PRKCH: variants seen among roughly 807,000 people sequenced by gnomAD.
PRKCH encodes the protein protein kinase C eta, also known as protein kinase C eta type.
PRKCH carries 28 observed loss-of-function variants against 82.5 expected under a neutral mutation model. The observed-to-expected ratio is 0.34, with a 90% CI of 0.25 to 0.47. The LOEUF (loss-of-function observed/expected upper bound fraction) is 0.47, where lower values mean the gene tolerates loss of function less well. Ranked by LOEUF, PRKCH falls within the 20% of genes least tolerant of loss-of-function variation. PRKCH has a pLI of 1.00. For synonymous variants in PRKCH, 322 were observed against 327.4 expected (o/e 0.98, Z 0.18); for missense variants, 705 against 881.8 (o/e 0.80, Z 2.54).
intron 1 of PRKCH, among the ~76,000 whole-genome samples, chr14:61,223,994 C>A (rs1417670820): frequency 6.6e-6 from 1 of 152,208 alleles, no homozygotes; most frequent in Admixed American, 6.5e-5. Flanking sequence ...TCCAAGCAGG[C>A]TACAGAGCCA....
chr14:61,456,892 C>A, intron 7 of PRKCH: 1 of 307,118 alleles, frequency 3.3e-6, no homozygotes. Context: ...AGGGACCACA[C>A]AAGGCATTGG....
chr14:61,263,450 A>G (rs553912749), intron 1 of PRKCH, among the ~76,000 whole-genome samples: 170 of 151,006 alleles, frequency 1.1e-3, no homozygotes, highest in Middle Eastern at 6.8e-3. Flanking sequence ...TGGTATTACT[A>G]TCCACATTTA....
intron 1 of PRKCH, among the ~76,000 whole-genome samples, chr14:61,243,066 G>A (rs7149581): frequency 0.25 from 33,229 of 131,106 alleles, 3,824 homozygotes; most frequent in Admixed American, 0.3. Flanking sequence ...ACCTAGACCC[G>A]ATTTTGGGAA....
At chr14:61,272,037 A>G (rs1834859690) in intron 1 of PRKCH, among the ~76,000 whole-genome samples, 1 of 152,040 alleles carries the variant, frequency 6.6e-6, no homozygotes, top group South Asian at 2.1e-4. Context: ...CATCCTGGTT[A>G]ACACGGTGAA....
Position 61,262,211 on chromosome 14 carries a change from A to T in PRKCH, c.-19+74543A>T, listed in dbSNP as rs1415572065. 2.7e-5 allele frequency among the ~76,000 whole-genome samples: 4 copies of T among 150,096 alleles called. No individual in the cohort carries two copies. The East Asian group carries it at 5.8e-4, about 22-fold the overall frequency. On this transcript the variant is annotated intron_variant, in intron 1 of 3. Transcript: ENST00000555185. ...CACTCCAGCTCAGTGACAGAGTGAG[A>T]CTCTGTATAAAAAAAAAAAAAGAAT...
At chr14:61,352,702 G>GAAAGAA (rs1246750910) in intron 1 of PRKCH, among the ~76,000 whole-genome samples, 2 of 133,550 alleles carry the variant, frequency 1.5e-5, no homozygotes, top group Non-Finnish European at 3.2e-5. Context: ...AAGAAAGAAA[G>GAAAGAA]AAAGAAAGAA....
Position 61,450,949 on chromosome 14 carries a change from G to T in PRKCH, c.810G>T (p.Met270Ile). ...GTGGCTCACTGCTCTGGGGAATAAT[G>T]CGACAAGGACTTCAGTGTAAAAGTG... ...DHCGSLLWGI[M>I]RQGLQCKICK... The change falls in exon 6 of 14, where the codon ATG (methionine) becomes ATT (isoleucine). Residue 270 changes from methionine to isoleucine, a missense_variant. By Grantham distance (10) the Met-to-Ile change is conservative. This residue lies in a region of PRKCH where 238 missense variants were observed against 258.1 expected (regional missense o/e 0.92). Coordinates refer to ENST00000332981, the MANE Select transcript of PRKCH (RefSeq NM_006255.5). The T allele has an allele frequency of 6.2e-7, 1 of 1,614,068 alleles. No homozygotes were observed. Among genetic ancestry groups the T allele is most frequent in the East Asian group, 2.2e-5 (1 of 44,878 alleles).
chr14:61,499,909 C>T (rs1886826042), intron 10 of PRKCH, among the ~76,000 whole-genome samples: 1 of 150,994 alleles, frequency 6.6e-6, no homozygotes, highest in South Asian at 2.1e-4. Context: ...ATACAGCTCT[C>T]TTACAAGAAA....
intron 2 of PRKCH, among the ~76,000 whole-genome samples, chr14:61,401,790 T>C (rs1199864232): frequency 6.6e-6 from 1 of 152,252 alleles, no homozygotes; most frequent in Non-Finnish European, 1.5e-5. Context: ...TGCTTCATAC[T>C]GAAATACTGT....
intron 1 of PRKCH, among the ~76,000 whole-genome samples, chr14:61,339,577 C>A (rs2140136391): frequency 6.7e-6 from 1 of 149,612 alleles, no homozygotes; most frequent in East Asian, 2.0e-4. Context: ...CCTGCCTCGG[C>A]CTCCCAAAGT....
chr14:61,339,013 T>C (rs2045894325), intron 1 of PRKCH, among the ~76,000 whole-genome samples: 1 of 152,142 alleles, frequency 6.6e-6, no homozygotes, highest in Admixed American at 6.5e-5. Context: ...TGAATGATAC[T>C]TACGTTAAAA....
At position 61,322,037 on chromosome 14, in the gene PRKCH, C is replaced by A; in HGVS notation, c.-65C>A. 1 of 1,464,672 alleles carries A rather than the reference C, an allele frequency of 6.8e-7. No individual in the cohort carries two copies. The highest frequency in any genetic ancestry group is 9.1e-7 in the Non-Finnish European group (1 of 1,100,928). 90.7% of individuals were successfully genotyped at this position (1,464,672 alleles called of 1,614,324 possible). ...ACCTGTCCCGAGGGCTGGCCTGAGA[C>A]GGGACTCCCGGTTCTCCCGCTGCGA... On this transcript the variant is annotated 5_prime_UTR_variant, in exon 1 of 14. Coordinates refer to ENST00000332981, the MANE Select transcript of PRKCH (RefSeq NM_006255.5).
intron 1 of PRKCH, among the ~76,000 whole-genome samples, chr14:61,215,790 G>A (rs918361731): frequency 8.5e-5 from 13 of 152,110 alleles, no homozygotes; most frequent in Non-Finnish European, 1.6e-4. Context: ...GCAATAAAGC[G>A]TTGGCAGATA....
intron 2 of PRKCH, among the ~76,000 whole-genome samples, chr14:61,396,940 A>G (rs562259107): frequency 6.6e-6 from 1 of 152,302 alleles, no homozygotes; most frequent in Admixed American, 6.5e-5. Flanking sequence ...AATAAATTGC[A>G]TGTTCACACC....
rs61740172 is a variant in PRKCH at position 61,457,519 on chromosome 14, G to C, written c.1118G>C (p.Arg373Thr). 3.5e-5 allele frequency: 57 copies of C among 1,614,108 alleles called. No individual in the cohort carries two copies. In the African/African-American group the frequency reaches 6.5e-4, roughly 18 times the overall value. Reference sequence around the variant, plus strand: ...GCTTTGCCATAGGTGATGCTTGCAAGAGTAAAAGAAACAGGAGACCTCTAT... The same window carrying C: ...GCTTTGCCATAGGTGATGCTTGCAACAGTAAAAGAAACAGGAGACCTCTAT... ...KGSFGKVMLA[R>T]VKETGDLYAV... is the part of the protein sequence containing the mutation. The change falls in exon 9 of 14, where the codon AGA (arginine) becomes ACA (threonine). Residue 373 changes from arginine to threonine, a missense_variant. By Grantham distance (71) the Arg-to-Thr change is moderately conservative. Coordinates refer to ENST00000332981, the MANE Select transcript of PRKCH (RefSeq NM_006255.5).
intron 10 of PRKCH, among the ~76,000 whole-genome samples, chr14:61,509,084 A>T (rs958642964): frequency 2.0e-5 from 3 of 152,090 alleles, no homozygotes; most frequent in Non-Finnish European, 4.4e-5. Flanking sequence ...GGGTCTGGAG[A>T]GCTATGCAGA....
chr14:61,473,667 C>A (rs1885603175), intron 9 of PRKCH, among the ~76,000 whole-genome samples: 1 of 152,120 alleles, frequency 6.6e-6, no homozygotes, highest in Non-Finnish European at 1.5e-5. Context: ...TTGGTGTCAT[C>A]CATGTCCTCT....
Position 61,443,113 on chromosome 14 carries a change from ACTC to A in PRKCH, c.431_433del (p.Thr144_Leu145delinsIle), listed in dbSNP as rs762586186. On this transcript the variant is annotated inframe_deletion, in exon 3 of 14. Transcript: ENST00000332981. ...TTTTCCTTCCTTTTAATATATAGCT[ACTC>A]TCCAGAGAGACCGGATCTTCAAACA... 1.2e-6 allele frequency: 2 copies of A among 1,612,312 alleles called. No individual in the cohort carries two copies. The highest frequency in any genetic ancestry group is 1.7e-6 in the Non-Finnish European group (2 of 1,179,046).
intron 1 of PRKCH, among the ~76,000 whole-genome samples, chr14:61,241,672 G>A (rs1455914455): frequency 6.6e-6 from 1 of 152,178 alleles, no homozygotes; most frequent in Non-Finnish European, 1.5e-5. Context: ...TCAACTTGGT[G>A]AAACCTAGAG....
Sources: allele counts gnomAD v4.1 joint callset (sites outside exome capture counted in the v4.1 genomes callset), GRCh38; gene constraint gnomAD v4.1.1; regional missense constraint gnomAD v4.1.1; transcripts MANE v1.5; gene names NCBI Gene and HGNC (gene_info 2026-07-23, HGNC 2026-07-21).